Variants in RIN2 observed in about 807,000 individuals in gnomAD.
RIN2 encodes the protein Ras and Rab interactor 2.
Under a neutral mutation model 78.0 loss-of-function variants are expected in RIN2, and 36 were observed. That is an observed-to-expected ratio of 0.46 (90% CI 0.35 to 0.61). The LOEUF (loss-of-function observed/expected upper bound fraction) is 0.61, where lower values mean the gene tolerates loss of function less well. Among genes scored for constraint, RIN2 ranks in the 20% least tolerant of loss-of-function variants. The pLI, the probability that RIN2 is intolerant of heterozygous loss-of-function variation, is 0.00. For missense variants in RIN2, 1,087 were observed against 1,159.7 expected (o/e 0.94, Z 0.91); for synonymous variants, 466 against 466.8 (o/e 1.00, Z 0.02).
chr20:19,948,520 G>A lies in RIN2; in HGVS notation c.159-8095G>A, dbSNP rs557498041. Among the ~76,000 whole-genome samples the A allele has an allele frequency of 3.9e-5, 6 of 152,112 alleles. No homozygotes were observed. In the South Asian group the frequency reaches 6.2e-4, roughly 16 times the overall value. ...AGCCATTCTCATGCCTCAGCCTCCC[G>A]AGTAGCTGGGACTACAGGAGCGCGC... is the stretch of plus-strand genomic sequence containing the variant. On this transcript the variant is annotated intron_variant, in intron 4 of 12. Coordinates refer to ENST00000255006, the MANE Select transcript of RIN2 (RefSeq NM_018993.4).
At chr20:19,977,549 G>A (rs577338416) in intron 9 of RIN2, among the ~76,000 whole-genome samples, 36 of 152,290 alleles carry the variant, frequency 2.4e-4, no homozygotes, top group African/African-American at 8.2e-4. Flanking sequence ...AACAGGCATC[G>A]TCATCCCTTA....
intron 3 of RIN2, among the ~76,000 whole-genome samples, chr20:19,895,092 AG>A (rs1442412658): frequency 5.3e-5 from 8 of 151,754 alleles, no homozygotes; most frequent in Non-Finnish European, 1.2e-4. Context: ...CCACCCTTCC[AG>A]GCTTTAGACC....
At chr20:19,826,379 G>A (rs2036089861) in intron 2 of RIN2, among the ~76,000 whole-genome samples, 1 of 152,122 alleles carries the variant, frequency 6.6e-6, no homozygotes, top group Non-Finnish European at 1.5e-5. Flanking sequence ...GGAAACTAAG[G>A]CACGGGTAAC....
rs769798525 is a variant in RIN2, at chr20:19,974,870, A to G, written c.845A>G (p.Gln282Arg). 6.2e-7 allele frequency: 1 copy of G among 1,614,030 alleles called. No homozygotes were observed. Among genetic ancestry groups the G allele is most frequent in the South Asian group, 1.1e-5 (1 of 91,080 alleles). The change falls in exon 9 of 13, where the codon CAG becomes CGG. Residue 282 changes from glutamine (Q) to arginine (R), a missense_variant. This residue lies in a region of RIN2 where 706 missense variants were observed against 667.5 expected (regional missense o/e 1.06). Coordinates refer to ENST00000255006, the MANE Select transcript of RIN2 (RefSeq NM_018993.4). ...INPLFLKVHS[Q>R]DLSGGLKRPS... The stretch of plus-strand genomic sequence containing the variant: ...CCCCTTTTCTTGAAAGTGCACAGCC[A>G]GGACCTCAGTGGAGGCCTGAAACGG...
In RIN2 at chr20:19,844,604, T is replaced by TCC. The variant is rs1568807037; in HGVS notation, c.-37+44857_-37+44858insCC. Among the ~76,000 whole-genome samples, 62 of 35,194 alleles carry TCC rather than the reference T, an allele frequency of 1.8e-3. No homozygotes were observed. In the East Asian group the frequency reaches 0.041, roughly 23 times the overall value. 23.1% of individuals were successfully genotyped at this position (35,194 alleles called of 152,430 possible). A position where few individuals can be genotyped will look rare whatever the true frequency, so the allele number is the denominator to read the frequency against. On this transcript the variant is annotated intron_variant, in intron 2 of 12. Coordinates refer to ENST00000255006, the MANE Select transcript of RIN2 (RefSeq NM_018993.4). ...CTGCTGCTGCTGCTGCTTCTTCCTC[T>TCC]TCTTCTTCTTCTTCTTCTTCTTCTT...
intron 4 of RIN2, among the ~76,000 whole-genome samples, chr20:19,940,688 G>C (rs2040833305): frequency 6.6e-6 from 1 of 152,202 alleles, no homozygotes. Context: ...GGAGAGTATG[G>C]GAACATGAAG....
chr20:19,869,006 G>A (rs73605546), intron 2 of RIN2, among the ~76,000 whole-genome samples: 38,978 of 150,548 alleles, frequency 0.26, 5,134 homozygotes, highest in East Asian at 0.34. Context: ...TGCTTGAACC[G>A]GGAGGTGGAG....
At chr20:19,758,790 C>T (rs913423922) in intron 1 of RIN2, among the ~76,000 whole-genome samples, 2 of 152,188 alleles carry the variant, frequency 1.3e-5, no homozygotes, top group Admixed American at 1.3e-4. Flanking sequence ...CCTGAGCGCG[C>T]GGGTCAGACC....
In RIN2 at chr20:19,956,691, A is replaced by G. The variant is rs751979478; in HGVS notation, c.235A>G (p.Ser79Gly). 1.1e-5 allele frequency: 18 copies of G among 1,612,664 alleles called. No homozygotes were observed. The highest frequency in any genetic ancestry group is 1.3e-5 in the African/African-American group (1 of 74,894). Residue 79 changes from serine to glycine, a missense_variant, in exon 5 of 13, where the codon AGC becomes GGC. By Grantham distance (56) the Ser-to-Gly change is moderately conservative. Coordinates refer to ENST00000255006, the MANE Select transcript of RIN2 (RefSeq NM_018993.4). ...KTCARDSGYDSLSNRLSILDR... is the reference protein window; with the variant it reads ...KTCARDSGYDGLSNRLSILDR... ...CTGTGCCCGGGACTCAGGCTATGAC[A>G]GCCTCTCCAACAGGCTCAGCATCTT...
rs73901367 is a variant in RIN2, at chr20:19,991,000, T to A, written c.2068+689T>A. On this transcript the variant is annotated intron_variant, in intron 10 of 12. Transcript: ENST00000255006. ...TTTCCTGTAGATGCAGGGGTAACCATGAATCCTGGATAGTAATGGAGCCCT... is the reference window on the plus strand; with the variant it reads ...TTTCCTGTAGATGCAGGGGTAACCAAGAATCCTGGATAGTAATGGAGCCCT... 5.9e-4 allele frequency among the ~76,000 whole-genome samples: 90 copies of A among 152,306 alleles called. 1 individual carries two copies. Among genetic ancestry groups the A allele is most frequent in the Admixed American group, 2.0e-3 (31 of 15,306 alleles).
At chr20:19,791,158 T>G (rs2034879081) in intron 1 of RIN2, among the ~76,000 whole-genome samples, 1 of 152,180 alleles carries the variant, frequency 6.6e-6, no homozygotes, top group African/African-American at 2.4e-5. Flanking sequence ...GCTTTGAAAT[T>G]GAATAAACAA....
intron 3 of RIN2, among the ~76,000 whole-genome samples, chr20:19,911,205 C>T (rs756898231): frequency 7.2e-5 from 11 of 152,046 alleles, no homozygotes; most frequent in Non-Finnish European, 1.6e-4. Flanking sequence ...CATGCACCAC[C>T]TTGCCCAGCT....
At chr20:19,990,756 G>A (rs2042774132) in intron 10 of RIN2, among the ~76,000 whole-genome samples, 1 of 152,126 alleles carries the variant, frequency 6.6e-6, no homozygotes, top group South Asian at 2.1e-4. Flanking sequence ...CAAGTGCAAT[G>A]GAAATGTCAG....
chr20:19,865,774 G>A (rs1052830299), intron 2 of RIN2, among the ~76,000 whole-genome samples: 25 of 151,958 alleles, frequency 1.6e-4, no homozygotes, highest in Non-Finnish European at 8.8e-5. Context: ...TTACAAGCAT[G>A]AGCCACCATG....
intron 2 of RIN2, chr20:19,886,609 C>CTT: frequency 1.3e-6 from 1 of 776,472 alleles, no homozygotes; most frequent in East Asian, 3.0e-5. Context: ...TCTTCTTCTT[C>CTT]TTCTTTTTTT....
chr20:19,983,130 A>G (rs2042512661), intron 9 of RIN2, among the ~76,000 whole-genome samples: 1 of 152,234 alleles, frequency 6.6e-6, no homozygotes, highest in Admixed American at 6.5e-5. Context: ...AATTGTTTAA[A>G]TACCTGTAAA....
rs1270243845 is a variant in RIN2, at chr20:19,799,229, C to G, written c.-162-393C>G. 2.0e-5 allele frequency among the ~76,000 whole-genome samples: 3 copies of G among 152,172 alleles called. No individual in the cohort carries two copies. The South Asian group carries it at 6.2e-4, about 32-fold the overall frequency. ...TAGGAATTTCTTATTCTGATTAGTCCCATCTCCAGAATCCTAGACTAGAAG... is the reference window on the plus strand; with the variant it reads ...TAGGAATTTCTTATTCTGATTAGTCGCATCTCCAGAATCCTAGACTAGAAG... On this transcript the variant is annotated intron_variant, in intron 1 of 12. Transcript: ENST00000255006.
At chr20:19,868,899 C>T (rs1250402390) in intron 2 of RIN2, among the ~76,000 whole-genome samples, 3 of 151,864 alleles carry the variant, frequency 2.0e-5, no homozygotes, top group Non-Finnish European at 4.4e-5. Flanking sequence ...TGGCCAACAT[C>T]GTGAAACCTT....
intron 2 of RIN2, among the ~76,000 whole-genome samples, chr20:19,885,340 G>A (rs4813379): frequency 0.13 from 20,149 of 152,206 alleles, 1,594 homozygotes; most frequent in East Asian, 0.29. Flanking sequence ...TGTGCAACAC[G>A]GTGACTGTAG....
Sources: allele counts gnomAD v4.1 joint callset (sites outside exome capture counted in the v4.1 genomes callset), GRCh38; gene constraint gnomAD v4.1.1; regional missense constraint gnomAD v4.1.1; transcripts MANE v1.5; gene names NCBI Gene and HGNC (gene_info 2026-07-23, HGNC 2026-07-21).